ANKMY2: variants seen among roughly 807,000 people sequenced by gnomAD.
ANKMY2 encodes ankyrin repeat and MYND domain containing 2.
In ANKMY2, 36 loss-of-function variants were observed where a neutral mutation model predicts 50.4. The observed-to-expected ratio is 0.71, with a 90% CI of 0.55 to 0.94. The LOEUF is 0.94. ANKMY2 is among the 40% of genes least tolerant of loss of function. The probability of loss-of-function intolerance (pLI) is 0.00; values close to 1 mark genes in which losing one functional copy is unlikely to be tolerated. For synonymous variants in ANKMY2, 187 were observed against 178.8 expected (o/e 1.05, Z -0.36); for missense variants, 565 against 524.0 (o/e 1.08, Z -0.76).
intron 2 of ANKMY2, among the ~76,000 whole-genome samples, chr7:16,633,787 C>T (rs1011235712): frequency 2.0e-5 from 3 of 151,974 alleles, no homozygotes; most frequent in Non-Finnish European, 4.4e-5. Flanking sequence ...TTTTCTACAT[C>T]CTATGTTACT....
intron 6 of ANKMY2, 131 bp downstream of exon 6, chr7:16,610,418 G>C: frequency 1.5e-6 from 1 of 677,156 alleles, no homozygotes; most frequent in South Asian, 2.0e-5. Context: ...GTTTGTCAAA[G>C]ACTAAATGTG....
At chr7:16,607,788 G>T (rs1012683632) in intron 7 of ANKMY2, among the ~76,000 whole-genome samples, 2 of 151,056 alleles carry the variant, frequency 1.3e-5, no homozygotes, top group Non-Finnish European at 2.9e-5. Context: ...CACATAACAG[G>T]TACTGCTAGT....
At chr7:16,641,734 C>A (rs999803929) in intron 1 of ANKMY2, among the ~76,000 whole-genome samples, 1 of 152,078 alleles carries the variant, frequency 6.6e-6, no homozygotes, top group Non-Finnish European at 1.5e-5. Flanking sequence ...ACTATTGGTA[C>A]ACATAATAAA....
intron 7 of ANKMY2, among the ~76,000 whole-genome samples, chr7:16,606,918 G>A (rs1336397996): frequency 1.3e-5 from 2 of 152,300 alleles, no homozygotes; most frequent in East Asian, 3.9e-4. Context: ...GAGTTCCACA[G>A]CAGCAGAGGG....
chr7:16,640,840 ATTAT>A (rs1194474534), intron 1 of ANKMY2, among the ~76,000 whole-genome samples: 4 of 152,130 alleles, frequency 2.6e-5, no homozygotes, highest in Non-Finnish European at 5.9e-5. Context: ...GATTGCAATC[ATTAT>A]TTATTGGAAG....
chr7:16,639,733 G>A (rs969572154), intron 1 of ANKMY2, among the ~76,000 whole-genome samples: 1 of 152,150 alleles, frequency 6.6e-6, no homozygotes, highest in Non-Finnish European at 1.5e-5. Flanking sequence ...AGTGAGCTAT[G>A]ATCATGCCAC....
intron 5 of ANKMY2, among the ~76,000 whole-genome samples, chr7:16,611,038 G>A (rs1161479362): frequency 2.0e-5 from 3 of 152,120 alleles, no homozygotes; most frequent in African/African-American, 7.2e-5. Flanking sequence ...CCATTCAAGA[G>A]CACATGATTT....
intron 4 of ANKMY2, among the ~76,000 whole-genome samples, chr7:16,619,326 T>A (rs77287286): frequency 0.22 from 33,074 of 152,030 alleles, 4,225 homozygotes; most frequent in Middle Eastern, 0.3. Context: ...ACTAATTTTG[T>A]ATTTTTTAGT....
intron 8 of ANKMY2, 144 bp from the exon 9 acceptor site, chr7:16,602,653 G>C (rs368232989): frequency 8.9e-7 from 1 of 1,123,082 alleles, no homozygotes; most frequent in Non-Finnish European, 1.2e-6. Context: ...ATATAGTTTG[G>C]ATGTTGTCCC....
At chr7:16,639,010 G>A (rs1199715919) in intron 1 of ANKMY2, among the ~76,000 whole-genome samples, 5 of 152,186 alleles carry the variant, frequency 3.3e-5, no homozygotes, top group Admixed American at 6.5e-5. Context: ...GGGCTGGAAT[G>A]AGAAAAATAA....
intron 2 of ANKMY2, among the ~76,000 whole-genome samples, chr7:16,627,637 T>G (rs1181879579): frequency 6.6e-6 from 1 of 152,256 alleles, no homozygotes; most frequent in Non-Finnish European, 1.5e-5. Flanking sequence ...CATCTGTATC[T>G]ACTGAACTGG....
intron 1 of ANKMY2, among the ~76,000 whole-genome samples, chr7:16,639,138 T>C (rs559785949): frequency 6.6e-6 from 1 of 152,206 alleles, no homozygotes; most frequent in African/African-American, 2.4e-5. Context: ...GTAATGACAT[T>C]AGTCGGAAAT....
At position 16,610,644 on chromosome 7, in the gene ANKMY2, T is replaced by C. The variant is rs1436213154; in HGVS notation, c.651A>G (p.Val217=). The part of the protein sequence containing the change: ...KCMKQRDMNE[V]LAMKMHYISC... ...TTATGTAATGCATCTTCATAGCCAA[T>C]ACTTCATTCATGTCTCTTTGCTTCA... Residue 217 remains valine, a synonymous_variant, in exon 6 of 10, where the codon GTA becomes GTG. Coordinates refer to ENST00000306999, the MANE Select transcript of ANKMY2 (RefSeq NM_020319.3). 1 of 1,614,000 alleles carries C rather than the reference T, an allele frequency of 6.2e-7. No homozygotes were observed. Among genetic ancestry groups the C allele is most frequent in the South Asian group, 1.1e-5 (1 of 91,078 alleles).
chr7:16,637,448 G>C (rs892136729), intron 1 of ANKMY2, among the ~76,000 whole-genome samples: 1 of 152,072 alleles, frequency 6.6e-6, no homozygotes, highest in Admixed American at 6.5e-5. Flanking sequence ...CTCACCAACA[G>C]AGAAAAAACA....
At chr7:16,643,569 T>C (rs948385721) in intron 1 of ANKMY2, among the ~76,000 whole-genome samples, 4 of 149,488 alleles carry the variant, frequency 2.7e-5, no homozygotes, top group Non-Finnish European at 1.5e-5. Context: ...AGCCCAGAAA[T>C]ATCACAGCAC....
At chr7:16,627,542 CAAAT>C (rs1348455479) in intron 2 of ANKMY2, among the ~76,000 whole-genome samples, 3 of 152,094 alleles carry the variant, frequency 2.0e-5, no homozygotes, top group South Asian at 2.1e-4. Context: ...AGAAAAATCT[CAAAT>C]AATGCCTCTC....
At chr7:16,638,387 C>T (rs532431011) in intron 1 of ANKMY2, among the ~76,000 whole-genome samples, 1 of 152,262 alleles carries the variant, frequency 6.6e-6, no homozygotes, top group South Asian at 2.1e-4. Context: ...CAGGGAAACA[C>T]TACTTACATT....
chr7:16,625,054 A>G lies in ANKMY2; in HGVS notation c.299T>C (p.Leu100Ser). The G allele has an allele frequency of 6.2e-7, 1 of 1,614,084 alleles. No individual in the cohort carries two copies. The part of the protein sequence containing the change: ...SGNKDITWVM[L>S]EAGAETDVVN... ...AACATCTGTCTCAGCACCAGCTTCT[A>G]ACATTACCCATGTGATGTCTTTATT... Residue 100 changes from leucine (L) to serine (S), a missense_variant, in exon 4 of 10, where the codon TTA becomes TCA. Physicochemically the swap from Leu to Ser is moderately radical, Grantham distance 145. Coordinates refer to ENST00000306999, the MANE Select transcript of ANKMY2 (RefSeq NM_020319.3).
At chr7:16,613,586 C>A (rs999636966) in intron 5 of ANKMY2, among the ~76,000 whole-genome samples, 1 of 152,092 alleles carries the variant, frequency 6.6e-6, no homozygotes, top group African/African-American at 2.4e-5. Flanking sequence ...AGACTATATA[C>A]CTTTACAAAT....
Sources: gnomAD v4.1 joint callset for allele counts (sites outside exome capture counted in the v4.1 genomes callset) on GRCh38, gnomAD v4.1.1 for gene constraint, MANE v1.5 for transcripts, NCBI Gene and HGNC (gene_info 2026-07-23, HGNC 2026-07-21) for gene names.